Variants in TXNL1 observed in about 807,000 individuals in gnomAD.
TXNL1 encodes the protein thioredoxin like 1, also known as thioredoxin-like protein 1.
A neutral mutation model predicts 35.5 loss-of-function variants in TXNL1; 14 were observed. The observed-to-expected ratio is 0.39, with a 90% CI of 0.26 to 0.62. TXNL1 has a LOEUF of 0.62. Among genes scored for constraint, TXNL1 ranks in the 20% least tolerant of loss-of-function variants. TXNL1 has a pLI of 0.47. For synonymous variants in TXNL1, 110 were observed against 115.5 expected (o/e 0.95, Z 0.31); for missense variants, 263 against 349.7 (o/e 0.75, Z 1.98).
chr18:56,626,550 C>G, intron 1 of TXNL1, 93 bp from the exon 2 acceptor site: 1 of 1,111,228 alleles, frequency 9.0e-7, no homozygotes, highest in South Asian at 1.6e-5. Flanking sequence ...AACACTGATA[C>G]TGCTGGCTTT....
At chr18:56,614,699 C>G (rs2024055385) in intron 5 of TXNL1, 103 bp from the exon 6 acceptor site, 3 of 875,968 alleles carry the variant, frequency 3.4e-6, no homozygotes, top group Non-Finnish European at 5.0e-6. Flanking sequence ...CAAATCAATA[C>G]ACATATACTT....
intron 2 of TXNL1, among the ~76,000 whole-genome samples, chr18:56,625,863 C>A (rs2024268993): frequency 6.6e-6 from 1 of 152,086 alleles, no homozygotes; most frequent in South Asian, 2.1e-4. Flanking sequence ...TACAGAACTG[C>A]CACATACCAT....
At chr18:56,624,580 G>A (rs1452001746) in intron 2 of TXNL1, 119 bp from the exon 3 acceptor site, 3 of 1,179,946 alleles carry the variant, frequency 2.5e-6, no homozygotes, top group Non-Finnish European at 3.5e-6. Context: ...GTAAAATACT[G>A]CATTTTTGTT....
At chr18:56,626,086 T>C (rs2024273537) in intron 2 of TXNL1, 6 of 750,946 alleles carry the variant, frequency 8.0e-6, no homozygotes, top group Non-Finnish European at 1.0e-5. Context: ...CATAAGGAAA[T>C]GTAATACACA....
chr18:56,598,360 T>C lies in TXNL1; in HGVS notation c.*4667A>G, dbSNP rs1286912015. 2 of 152,200 alleles carry C rather than the reference T, an allele frequency of 1.3e-5. No homozygotes were observed. The highest frequency in any genetic ancestry group is 2.9e-5 in the Non-Finnish European group (2 of 68,054). 9.4% of individuals were successfully genotyped at this position (152,200 alleles called of 1,614,324 possible). A position where few individuals can be genotyped will look rare whatever the true frequency, so the allele number is the denominator to read the frequency against. On this transcript the variant is annotated 3_prime_UTR_variant, in exon 8 of 8. Coordinates refer to ENST00000217515, the MANE Select transcript of TXNL1 (RefSeq NM_004786.3). ...CGGATGAAATAATGGCAAGGTGTCA[T>C]AGCAGCTGAGGAGGCGTGCACAATT...
At chr18:56,622,520 T>C (rs75944203) in intron 3 of TXNL1, among the ~76,000 whole-genome samples, 2,608 of 152,336 alleles carry the variant, frequency 0.017, 60 homozygotes, top group East Asian at 0.078. Context: ...TTCAAAACTT[T>C]AATGTCTTGA....
chr18:56,624,682 GT>G (rs2024246689), intron 2 of TXNL1, among the ~76,000 whole-genome samples: 1 of 152,032 alleles, frequency 6.6e-6, no homozygotes, highest in Non-Finnish European at 1.5e-5. Context: ...CATTCCCCAT[GT>G]TTTTATCATT....
chr18:56,617,788 A>G (rs1231524174), intron 4 of TXNL1, among the ~76,000 whole-genome samples: 2 of 152,208 alleles, frequency 1.3e-5, no homozygotes, highest in Non-Finnish European at 2.9e-5. Context: ...GAGTTCAGCA[A>G]TTTTTCTTAG....
At chr18:56,625,243 G>A (rs1413939554) in intron 2 of TXNL1, among the ~76,000 whole-genome samples, 2 of 152,060 alleles carry the variant, frequency 1.3e-5, no homozygotes, top group Non-Finnish European at 2.9e-5. Context: ...TTTCAGGAAA[G>A]TGCTGCCCAA....
At chr18:56,627,442 T>C (rs1490876047) in intron 1 of TXNL1, among the ~76,000 whole-genome samples, 1 of 152,208 alleles carries the variant, frequency 6.6e-6, no homozygotes, top group Non-Finnish European at 1.5e-5. Context: ...CCAAGTCGTT[T>C]TGAGGTTCTA....
intron 3 of TXNL1, among the ~76,000 whole-genome samples, chr18:56,623,825 C>T (rs1455997858): frequency 6.7e-6 from 1 of 149,444 alleles, no homozygotes; most frequent in Non-Finnish European, 1.5e-5. Flanking sequence ...AAATACAGTG[C>T]CAGAAAAGAG....
Position 56,610,968 on chromosome 18 carries a change from C to T in TXNL1, c.840+25G>A, listed in dbSNP as rs779648250. The T allele has an allele frequency of 1.8e-5, 25 of 1,424,186 alleles. 1 individual carries two copies. The highest frequency in any genetic ancestry group is 1.0e-4 in the Admixed American group (5 of 49,578). The allele number at this position is 1,424,186 out of a possible 1,614,324, so 88.2% of individuals were successfully genotyped here. A position where few individuals can be genotyped will look rare whatever the true frequency, so the allele number is the denominator to read the frequency against. On this transcript the variant is annotated intron_variant, in intron 7 of 7. Transcript: ENST00000217515. ...CATTAAAATTATATTTTTACTATCC[C>T]GAAGTATCATTTAAGCAAACTTACT...
At chr18:56,637,388 G>A (rs1359417184) in intron 1 of TXNL1, among the ~76,000 whole-genome samples, 2 of 152,156 alleles carry the variant, frequency 1.3e-5, no homozygotes, top group African/African-American at 4.8e-5. Context: ...AGGGGTCAAG[G>A]AAAATAAAGC....
chr18:56,598,276 C>T lies in TXNL1; in HGVS notation c.*4751G>A, dbSNP rs2023768114. 1 of 152,128 alleles carries T rather than the reference C, an allele frequency of 6.6e-6. No homozygotes were observed. Among genetic ancestry groups the T allele is most frequent in the South Asian group, 2.1e-4 (1 of 4,830 alleles). 9.4% of individuals were successfully genotyped at this position (152,128 alleles called of 1,614,324 possible). On this transcript the variant is annotated 3_prime_UTR_variant, in exon 8 of 8. Coordinates refer to ENST00000217515, the MANE Select transcript of TXNL1 (RefSeq NM_004786.3). ...TAGAGACAAAATACTTGTATTACAG[C>T]TCACAATCTAGTAGTCCAAATAAGA...
chr18:56,631,268 C>T (rs1238986229), intron 1 of TXNL1, among the ~76,000 whole-genome samples: 2 of 152,150 alleles, frequency 1.3e-5, no homozygotes, highest in African/African-American at 4.8e-5. Context: ...ATGAACAAGT[C>T]ACCTGATTTC....
intron 1 of TXNL1, among the ~76,000 whole-genome samples, chr18:56,636,968 G>C (rs11875121): frequency 0.088 from 13,398 of 152,124 alleles, 1,389 homozygotes; most frequent in African/African-American, 0.25. Flanking sequence ...AAAATGAGAA[G>C]ACACATTTAT....
intron 7 of TXNL1, among the ~76,000 whole-genome samples, chr18:56,606,404 A>G (rs1431997237): frequency 1.3e-5 from 2 of 152,188 alleles, no homozygotes; most frequent in Non-Finnish European, 2.9e-5. Context: ...TTTCAATTCT[A>G]ATTACTATGT....
intron 1 of TXNL1, among the ~76,000 whole-genome samples, chr18:56,630,005 C>A (rs2024346035): frequency 6.6e-6 from 1 of 152,044 alleles, no homozygotes; most frequent in Admixed American, 6.6e-5. Flanking sequence ...TCAAGACCAG[C>A]CTGGCCAACA....
intron 3 of TXNL1, 92 bp downstream of exon 3, chr18:56,624,196 A>G: frequency 7.4e-7 from 1 of 1,346,212 alleles, no homozygotes; most frequent in East Asian, 2.3e-5. Context: ...AGTAAGAGAT[A>G]GAAGATGGAA....
Sources: gnomAD v4.1 joint callset for allele counts (sites outside exome capture counted in the v4.1 genomes callset) on GRCh38, gnomAD v4.1.1 for gene constraint, MANE v1.5 for transcripts, NCBI Gene and HGNC (gene_info 2026-07-23, HGNC 2026-07-21) for gene names.